CEP170: variants seen among roughly 807,000 people sequenced by gnomAD.
CEP170 encodes centrosomal protein 170.
CEP170 carries 21 observed loss-of-function variants against 151.9 expected under a neutral mutation model. That is an observed-to-expected ratio of 0.14 (90% confidence interval 0.10 to 0.20). The LOEUF is 0.20. Ranked by LOEUF, CEP170 falls within the 10% of genes least tolerant of loss-of-function variation. The probability of loss-of-function intolerance (pLI) is 1.00; values close to 1 mark genes in which losing one functional copy is unlikely to be tolerated. For synonymous variants in CEP170, 356 were observed against 648.8 expected, an observed-to-expected ratio of 0.55 and a Z score of 6.86; for missense variants, 964 against 1,892.9, an observed-to-expected ratio of 0.51 and a Z score of 9.11.
intron 14 of CEP170, among the ~76,000 whole-genome samples, chr1:243,145,314 T>G (rs1217705326): frequency 1.3e-5 from 2 of 152,222 alleles, no homozygotes; most frequent in Non-Finnish European, 2.9e-5. Context: ...CTCACTCTGT[T>G]GCCAGGTTGG....
chr1:243,227,252 A>G (rs528847987), intron 1 of CEP170, among the ~76,000 whole-genome samples: 1 of 147,868 alleles, frequency 6.8e-6, no homozygotes, highest in Admixed American at 6.7e-5. Context: ...GACAGCTCAA[A>G]TATTATCATT....
chr1:243,215,782 C>T (rs1374880223), intron 3 of CEP170, among the ~76,000 whole-genome samples: 1 of 152,122 alleles, frequency 6.6e-6, no homozygotes, highest in East Asian at 1.9e-4. Context: ...ACACCCTATT[C>T]ATACACTCCC....
chr1:243,184,832 A>G (rs2059838721), intron 10 of CEP170, among the ~76,000 whole-genome samples: 1 of 152,112 alleles, frequency 6.6e-6, no homozygotes, highest in South Asian at 2.1e-4. Flanking sequence ...TGGAGATCTC[A>G]TTTCTAATGT....
In CEP170 at chr1:243,169,770, A is replaced by C; in HGVS notation, c.1717-16T>G. On this transcript the variant is annotated splice_polypyrimidine_tract_variant and intron_variant, in intron 11 of 19. Transcript: ENST00000366542. Reference sequence around the variant, plus strand: ...ATGTGCCTTCCTAAAGGAGAAAAATAAGAAAACAAAATCATGCAGCCTGGT... The same window carrying C: ...ATGTGCCTTCCTAAAGGAGAAAAATCAGAAAACAAAATCATGCAGCCTGGT... 6.3e-7 allele frequency: 1 copy of C among 1,595,458 alleles called. No homozygotes were observed. The highest frequency in any genetic ancestry group is 2.2e-5 in the East Asian group (1 of 44,808).
intron 7 of CEP170, among the ~76,000 whole-genome samples, chr1:243,192,751 A>G (rs2060389855): frequency 6.6e-6 from 1 of 152,246 alleles, no homozygotes; most frequent in Non-Finnish European, 1.5e-5. Flanking sequence ...TCTTGACAGC[A>G]GTCTGAATAT....
chr1:243,155,151 A>G (rs1319983442), intron 14 of CEP170, among the ~76,000 whole-genome samples: 1 of 152,198 alleles, frequency 6.6e-6, no homozygotes, highest in African/African-American at 2.4e-5. Flanking sequence ...CTAAAAAGCT[A>G]TTTGTATGAT....
At chr1:243,233,767 T>C (rs1425866374) in intron 1 of CEP170, among the ~76,000 whole-genome samples, 4 of 147,128 alleles carry the variant, frequency 2.7e-5, no homozygotes, top group Non-Finnish European at 6.0e-5. Context: ...TATATATATA[T>C]TTTAAAACGT....
intron 14 of CEP170, 82 bp downstream of exon 14, chr1:243,156,139 T>C: frequency 6.8e-7 from 1 of 1,461,296 alleles, no homozygotes; most frequent in Non-Finnish European, 9.1e-7. Context: ...TTAGTAAAAA[T>C]CAAGTACAAG....
At chr1:243,217,205 G>A (rs2062377150) in intron 3 of CEP170, among the ~76,000 whole-genome samples, 1 of 152,112 alleles carries the variant, frequency 6.6e-6, no homozygotes, top group Non-Finnish European at 1.5e-5. Flanking sequence ...TGCCGTTATG[G>A]GATGCATGAC....
intron 15 of CEP170, 139 bp downstream of exon 15, chr1:243,142,177 T>C (rs2055923090): frequency 2.6e-6 from 4 of 1,530,456 alleles, no homozygotes; most frequent in Non-Finnish European, 3.5e-6. Flanking sequence ...AATAAACTGT[T>C]AAAGCAAAGT....
chr1:243,163,010 C>T (rs1278348472), intron 13 of CEP170: 1 of 152,146 alleles, frequency 6.6e-6, no homozygotes, highest in African/African-American at 2.4e-5. Flanking sequence ...TATATGCTAT[C>T]TGGCTTCACC....
intron 1 of CEP170, among the ~76,000 whole-genome samples, chr1:243,254,822 C>A (rs1022693593): frequency 9.9e-5 from 15 of 151,328 alleles, no homozygotes; most frequent in African/African-American, 3.6e-4. Flanking sequence ...AGGGTGGTCC[C>A]GTCAAGCCCC....
chr1:243,206,584 C>A (rs2148875823), intron 4 of CEP170, among the ~76,000 whole-genome samples: 1 of 152,164 alleles, frequency 6.6e-6, no homozygotes, highest in South Asian at 2.1e-4. Context: ...TGGATCTGTA[C>A]AAAGGGATGA....
At chr1:243,189,357 C>T (rs1169066077) in intron 8 of CEP170, among the ~76,000 whole-genome samples, 11 of 152,016 alleles carry the variant, frequency 7.2e-5, no homozygotes, top group South Asian at 2.1e-4. Context: ...GAGATCAAGA[C>T]CATCCTGGCT....
chr1:243,160,076 G>A (rs1035514673), intron 13 of CEP170, among the ~76,000 whole-genome samples: 3 of 152,014 alleles, frequency 2.0e-5, no homozygotes, highest in Admixed American at 6.5e-5. Flanking sequence ...GTCATGAGAC[G>A]CTGTGCCCAG....
chr1:243,233,665 G>A (rs904073880), intron 1 of CEP170, among the ~76,000 whole-genome samples: 3 of 149,690 alleles, frequency 2.0e-5, no homozygotes, highest in South Asian at 2.1e-4. Context: ...CCCAGGAGGC[G>A]GAGCTTACAG....
Position 243,199,124 on chromosome 1 carries a change from A to G in CEP170, c.567T>C (p.Asp189=). 1 of 1,611,932 alleles carries G rather than the reference A, an allele frequency of 6.2e-7. No homozygotes were observed. The highest frequency in any genetic ancestry group is 8.5e-7 in the Non-Finnish European group (1 of 1,178,870). Residue 189 remains aspartate, a synonymous_variant, in exon 7 of 20, where the codon GAT becomes GAC. Coordinates refer to ENST00000366542, the MANE Select transcript of CEP170 (RefSeq NM_014812.3). ...QPSWWGDDEV[D]EKRAFKTNGK... is the part of the protein sequence containing the mutation. ...CATTTGTCTTGAAAGCTCTTTTTTC[A>G]TCCACCTCATCATCCCCCCACCATG...
intron 17 of CEP170, among the ~76,000 whole-genome samples, chr1:243,132,884 A>G (rs976278462): frequency 6.6e-6 from 1 of 152,196 alleles, no homozygotes; most frequent in African/African-American, 2.4e-5. Context: ...GTACTTGTTT[A>G]CAGGTAAGGA....
chr1:243,164,615 T>C lies in CEP170; in HGVS notation c.3345A>G (p.Glu1115=), dbSNP rs1158358213. 1 of 1,613,660 alleles carries C rather than the reference T, an allele frequency of 6.2e-7. No individual in the cohort carries two copies. Among genetic ancestry groups the C allele is most frequent in the Non-Finnish European group, 8.5e-7 (1 of 1,179,734 alleles). The stretch of plus-strand genomic sequence containing the variant: ...CAGATGCTTTGTCAGCATCAGCAAG[T>C]TCACTGTCTGAAGCTTCACCAAGTC... ...RARLGEASDS[E]LADADKASVA... The change falls in exon 13 of 20, where the codon GAA becomes GAG. Residue 1115 remains glutamate, a synonymous_variant. Transcript: ENST00000366542.
Sources: allele counts gnomAD v4.1 joint callset (sites outside exome capture counted in the v4.1 genomes callset), GRCh38; gene constraint gnomAD v4.1.1; transcripts MANE v1.5; gene names NCBI Gene and HGNC (gene_info 2026-07-23, HGNC 2026-07-21).